The following GNA13 variants were observed in gnomAD, a reference collection of about 807,000 sequenced individuals.
GNA13 encodes the protein guanine nucleotide-binding protein subunit alpha-13.
GNA13 carries 4 observed loss-of-function variants against 33.5 expected under a neutral mutation model. That is an observed-to-expected ratio of 0.12 (90% CI 0.06 to 0.27). The LOEUF (loss-of-function observed/expected upper bound fraction) is 0.27. GNA13 is among the 10% of genes least tolerant of loss of function. The pLI is 1.00. For missense variants in GNA13, 319 were observed against 487.2 expected, an observed-to-expected ratio of 0.65 and a Z score of 3.25; for synonymous variants, 176 against 183.8, an observed-to-expected ratio of 0.96 and a Z score of 0.34.
chr17:65,014,938 A>G lies in GNA13; in HGVS notation c.562-109T>C. On this transcript the variant is annotated intron_variant, in intron 3 of 3. Transcript: ENST00000439174. The surrounding 1 kb of genome is among the most constrained non-coding windows in gnomAD (Gnocchi z 5.3). ...AGATATGCAAACAAAATGATCTTTT[A>G]AGTGACATTTTCAGATAGATTATGC... is the stretch of plus-strand genomic sequence containing the variant. The G allele has an allele frequency of 1.5e-6, 1 of 658,770 alleles. No homozygotes were observed. The allele number at this position is 658,770 out of a possible 1,614,324, so 40.8% of individuals were successfully genotyped here.
intron 2 of GNA13, among the ~76,000 whole-genome samples, chr17:65,046,995 T>C (rs995553813): frequency 1.3e-5 from 2 of 152,112 alleles, no homozygotes; most frequent in African/African-American, 4.8e-5. Context: ...AGAATACAAG[T>C]GATACCACCT....
At chr17:65,050,548 G>C (rs1907824995) in intron 2 of GNA13, among the ~76,000 whole-genome samples, 1 of 152,150 alleles carries the variant, frequency 6.6e-6, no homozygotes, top group African/African-American at 2.4e-5. Context: ...TGGCAACATA[G>C]CAAGACTCCG....
At chr17:65,015,525 T>G (rs1473159284) in intron 3 of GNA13, among the ~76,000 whole-genome samples, 1 of 151,790 alleles carries the variant, frequency 6.6e-6, no homozygotes, top group South Asian at 2.1e-4. Context: ...TAGCCAGGTG[T>G]GGTGGCGGGC....
intron 2 of GNA13, among the ~76,000 whole-genome samples, chr17:65,046,167 TGA>T (rs1907654013): frequency 6.6e-6 from 1 of 152,210 alleles, no homozygotes; most frequent in Admixed American, 6.5e-5. Context: ...TAGCACTATA[TGA>T]TCATGAATGT....
intron 2 of GNA13, among the ~76,000 whole-genome samples, chr17:65,044,473 A>T (rs914243382): frequency 6.6e-6 from 1 of 151,968 alleles, no homozygotes; most frequent in Non-Finnish European, 1.5e-5. Flanking sequence ...ATACACACTT[A>T]AAAAAAATTA....
At chr17:65,025,273 T>C (rs1372528019) in intron 2 of GNA13, among the ~76,000 whole-genome samples, 3 of 152,186 alleles carry the variant, frequency 2.0e-5, no homozygotes, top group Non-Finnish European at 4.4e-5. Flanking sequence ...AGGCCTTCTT[T>C]TGGGATATCT....
chr17:65,056,257 C>G, intron 1 of GNA13, 54 bp downstream of exon 1: 2 of 1,157,916 alleles, frequency 1.7e-6, no homozygotes. Context: ...CCGCACCCGC[C>G]GCCGCCCCAG....
At chr17:65,030,333 T>A (rs978805267) in intron 2 of GNA13, among the ~76,000 whole-genome samples, 1 of 152,206 alleles carries the variant, frequency 6.6e-6, no homozygotes, top group African/African-American at 2.4e-5. Flanking sequence ...CAAGACTAGA[T>A]CTCCAGATGC....
intron 2 of GNA13, among the ~76,000 whole-genome samples, chr17:65,022,387 C>T (rs1906612707): frequency 1.3e-5 from 2 of 150,580 alleles, no homozygotes; most frequent in African/African-American, 2.4e-5. Context: ...ACCAGTATTG[C>T]CACACCATGA....
At chr17:65,045,866 T>C (rs537497111) in intron 2 of GNA13, among the ~76,000 whole-genome samples, 1 of 152,308 alleles carries the variant, frequency 6.6e-6, no homozygotes, top group East Asian at 1.9e-4. Flanking sequence ...ATTATTTGTA[T>C]GTATGGGTGG....
rs973334844 is a variant in GNA13 at position 65,011,602 on chromosome 17, A to T, written c.*2655T>A. The T allele has an allele frequency of 4.6e-6, 1 of 216,992 alleles. No homozygotes were observed. Among genetic ancestry groups the T allele is most frequent in the Non-Finnish European group, 9.3e-6 (1 of 107,702 alleles). 13.4% of individuals were successfully genotyped at this position (216,992 alleles called of 1,614,324 possible). Reference sequence around the variant, plus strand: ...ACTGTATATACATTTCTTCAAGGTCAATGAAGACACTTGTGTGATATTTCC... The same window carrying T: ...ACTGTATATACATTTCTTCAAGGTCTATGAAGACACTTGTGTGATATTTCC... On this transcript the variant is annotated 3_prime_UTR_variant, in exon 4 of 4. Transcript: ENST00000439174.
In GNA13 at chr17:65,013,628, G is replaced by A. The variant is rs917669652; in HGVS notation, c.*629C>T. 4.6e-6 allele frequency: 1 copy of A among 218,152 alleles called. No homozygotes were observed. Among genetic ancestry groups the A allele is most frequent in the African/African-American group, 2.2e-5 (1 of 44,466 alleles). 13.5% of individuals were successfully genotyped at this position (218,152 alleles called of 1,614,324 possible). On this transcript the variant is annotated 3_prime_UTR_variant, in exon 4 of 4. Transcript: ENST00000439174. Reference sequence around the variant, plus strand: ...AACTCTTCATCAGCATCAGACCAAAGATCCTTATGTAAACTTGAAAACAGG... The same window carrying A: ...AACTCTTCATCAGCATCAGACCAAAAATCCTTATGTAAACTTGAAAACAGG...
At chr17:65,020,808 G>C (rs527770960) in intron 2 of GNA13, among the ~76,000 whole-genome samples, 1 of 151,942 alleles carries the variant, frequency 6.6e-6, no homozygotes, top group African/African-American at 2.4e-5. Context: ...GTGCCTCCGC[G>C]CCTGGCTAAT....
intron 2 of GNA13, 119 bp from the exon 3 acceptor site, chr17:65,018,422 C>A: frequency 1.5e-6 from 1 of 678,278 alleles, no homozygotes; most frequent in Non-Finnish European, 2.7e-6. Flanking sequence ...GTTTAGTCAC[C>A]AATTTCAGAC....
intron 2 of GNA13, among the ~76,000 whole-genome samples, chr17:65,042,186 T>G (rs545934639): frequency 6.6e-6 from 1 of 151,832 alleles, no homozygotes; most frequent in Admixed American, 6.6e-5. Context: ...TGGAGAAACC[T>G]TGTCTCTACT....
Position 65,010,488 on chromosome 17 carries a change from T to G in GNA13, c.*3769A>C, listed in dbSNP as rs982244398. Among the ~76,000 whole-genome samples, 1 of 151,930 alleles carries G rather than the reference T, an allele frequency of 6.6e-6. No individual in the cohort carries two copies. On this transcript the variant is annotated 3_prime_UTR_variant, in exon 4 of 4. Coordinates refer to ENST00000439174, the MANE Select transcript of GNA13 (RefSeq NM_006572.6). ...TACTAGACTGAAAAGCCACCCTGTA[T>G]CCTATCATTAAAAAACAAAACAAAA...
intron 2 of GNA13, among the ~76,000 whole-genome samples, chr17:65,028,386 G>A (rs1410172167): frequency 6.9e-6 from 1 of 144,708 alleles, no homozygotes; most frequent in Non-Finnish European, 1.5e-5. Context: ...TCCAACCTGA[G>A]CGACAGAGTG....
At chr17:65,021,030 C>T (rs1373666726) in intron 2 of GNA13, among the ~76,000 whole-genome samples, 1 of 152,156 alleles carries the variant, frequency 6.6e-6, no homozygotes, top group Non-Finnish European at 1.5e-5. Context: ...TTTTATTCGG[C>T]CCTTAGCTCT....
At chr17:65,023,523 A>G (rs542632437) in intron 2 of GNA13, among the ~76,000 whole-genome samples, 1 of 152,370 alleles carries the variant, frequency 6.6e-6, no homozygotes, top group Non-Finnish European at 1.5e-5. Context: ...GCCTTAGGGC[A>G]GACTTGATTT....
Sources: allele counts gnomAD v4.1 joint callset (sites outside exome capture counted in the v4.1 genomes callset), GRCh38; gene constraint gnomAD v4.1.1; non-coding constraint Gnocchi (gnomAD v3.1); transcripts MANE v1.5; gene names NCBI Gene and HGNC (gene_info 2026-07-23, HGNC 2026-07-21).